GABRB2: variants seen among roughly 807,000 people sequenced by gnomAD.
GABRB2 encodes the protein gamma-aminobutyric acid receptor subunit beta-2.
Under a neutral mutation model 54.7 loss-of-function variants are expected in GABRB2, and 16 were observed. The ratio of observed to expected loss-of-function variants is 0.29; its 90% CI spans 0.20 to 0.44. The LOEUF is 0.44. Among genes scored for constraint, GABRB2 ranks in the 20% least tolerant of loss-of-function variants. The pLI is 1.00. For missense variants in GABRB2, 355 were observed against 644.0 expected, an observed-to-expected ratio of 0.55 and a Z score of 4.86; for synonymous variants, 244 against 233.8, an observed-to-expected ratio of 1.04 and a Z score of -0.40.
At chr5:161,537,736 A>G (rs1026934684) in intron 3 of GABRB2, among the ~76,000 whole-genome samples, 7 of 152,150 alleles carry the variant, frequency 4.6e-5, no homozygotes, top group Non-Finnish European at 1.0e-4. Context: ...AATTCTATTG[A>G]CACTATTTCA....
At chr5:161,537,130 T>G (rs1348342764) in intron 3 of GABRB2, among the ~76,000 whole-genome samples, 1 of 152,150 alleles carries the variant, frequency 6.6e-6, no homozygotes, top group Non-Finnish European at 1.5e-5. Flanking sequence ...TTATCTGGAG[T>G]ATCTTGTACT....
At chr5:161,321,270 C>T (rs1220529515) in intron 9 of GABRB2, among the ~76,000 whole-genome samples, 3 of 152,056 alleles carry the variant, frequency 2.0e-5, no homozygotes, top group Non-Finnish European at 4.4e-5. Context: ...TATAAATTAG[C>T]AAATGAACAT....
At chr5:161,441,170 G>A (rs1406855707) in intron 4 of GABRB2, among the ~76,000 whole-genome samples, 2 of 152,106 alleles carry the variant, frequency 1.3e-5, no homozygotes, top group South Asian at 4.1e-4. Flanking sequence ...ACAGAGTGAA[G>A]AGACAACCCG....
intron 5 of GABRB2, among the ~76,000 whole-genome samples, chr5:161,400,214 T>A (rs1001981755): frequency 6.6e-6 from 1 of 152,136 alleles, no homozygotes; most frequent in Non-Finnish European, 1.5e-5. Context: ...TGTGTGGGTG[T>A]ATTTACGCCT....
intron 3 of GABRB2, among the ~76,000 whole-genome samples, chr5:161,517,536 AT>A (rs1487017719): frequency 6.6e-6 from 1 of 152,132 alleles, no homozygotes; most frequent in East Asian, 1.9e-4. Context: ...ATGTATGTGC[AT>A]CCTCATTGTT....
chr5:161,373,296 T>C (rs955491392), intron 5 of GABRB2, among the ~76,000 whole-genome samples: 17 of 152,214 alleles, frequency 1.1e-4, no homozygotes, highest in African/African-American at 3.9e-4. Flanking sequence ...CCACTGATTC[T>C]GTGACTTGCA....
rs1372210277 is a variant in GABRB2, at chr5:161,520,880, C to G, written c.237+24347G>C. 2.0e-5 allele frequency among the ~76,000 whole-genome samples: 3 copies of G among 152,052 alleles called. No homozygotes were observed. In the South Asian group the frequency reaches 6.2e-4, roughly 32 times the overall value. ...CCTCATCACAGCTTGCCATATTAGA[C>G]CCTAATGATCAATACATCTTGCCAA... On this transcript the variant is annotated intron_variant, in intron 3 of 9. Transcript: ENST00000393959.
At chr5:161,354,277 C>CT (rs1754554979) in intron 5 of GABRB2, among the ~76,000 whole-genome samples, 1 of 152,050 alleles carries the variant, frequency 6.6e-6, no homozygotes, top group Non-Finnish European at 1.5e-5. Context: ...GAGTGAAACT[C>CT]TGCTCTAAAG....
chr5:161,526,012 C>A (rs1011567537), intron 3 of GABRB2, among the ~76,000 whole-genome samples: 14 of 151,214 alleles, frequency 9.3e-5, no homozygotes, highest in African/African-American at 3.4e-4. Flanking sequence ...AATTTCTGAG[C>A]TTTTGCCTTC....
upstream of GABRB2, among the ~76,000 whole-genome samples, chr5:161,547,335 G>T (rs1179581453): frequency 1.3e-5 from 2 of 150,016 alleles, no homozygotes; most frequent in Non-Finnish European, 3.0e-5. Flanking sequence ...TTGGGGAGGC[G>T]GGTACAGAAT....
At chr5:161,503,937 T>A (rs910156873) in intron 3 of GABRB2, among the ~76,000 whole-genome samples, 1 of 151,984 alleles carries the variant, frequency 6.6e-6, no homozygotes, top group African/African-American at 2.4e-5. Context: ...GACTTCTACA[T>A]AAGGAACATC....
intron 9 of GABRB2, among the ~76,000 whole-genome samples, chr5:161,298,666 G>T (rs1211207083): frequency 6.6e-6 from 1 of 152,132 alleles, no homozygotes. Context: ...TATTTATACA[G>T]GTCTCTTGCT....
At chr5:161,502,664 G>A (rs544871365) in intron 3 of GABRB2, among the ~76,000 whole-genome samples, 14 of 152,264 alleles carry the variant, frequency 9.2e-5, no homozygotes, top group Non-Finnish European at 1.6e-4. Flanking sequence ...TAAACACCAC[G>A]ACTTCCTGCC....
At chr5:161,470,720 T>A (rs1394020430) in intron 3 of GABRB2, among the ~76,000 whole-genome samples, 1 of 151,954 alleles carries the variant, frequency 6.6e-6, no homozygotes, top group East Asian at 1.9e-4. Context: ...AATTTACAGT[T>A]TATGAATTGT....
intron 7 of GABRB2, among the ~76,000 whole-genome samples, chr5:161,331,937 G>A (rs189668095): frequency 2.6e-4 from 39 of 151,936 alleles, no homozygotes; most frequent in Non-Finnish European, 4.3e-4. Flanking sequence ...AGGCCGAGGC[G>A]GGTGGATCAC....
At position 161,341,596 on chromosome 5, in the gene GABRB2, A is replaced by G. The variant is rs115548464; in HGVS notation, c.542-4827T>C. ...AAATATAAAAATCTATAAAATATAT[A>G]TCTATAAGATACGAATGGTAGATAC... is the stretch of plus-strand genomic sequence containing the variant. On this transcript the variant is annotated intron_variant, in intron 5 of 9. Transcript: ENST00000393959. Among the ~76,000 whole-genome samples the G allele has an allele frequency of 2.3e-3, 352 of 151,838 alleles. 2 individuals carry two copies. Among genetic ancestry groups the G allele is most frequent in the African/African-American group, 7.9e-3 (328 of 41,530 alleles).
chr5:161,510,465 A>G (rs1324634374), intron 3 of GABRB2, among the ~76,000 whole-genome samples: 1 of 151,946 alleles, frequency 6.6e-6, no homozygotes, highest in African/African-American at 2.4e-5. Flanking sequence ...ATAGTACTAC[A>G]TTGTGTACAT....
At chr5:161,455,576 G>A (rs1757929201) in intron 4 of GABRB2, among the ~76,000 whole-genome samples, 1 of 149,588 alleles carries the variant, frequency 6.7e-6, no homozygotes, top group African/African-American at 2.5e-5. Context: ...TGTCATCCAG[G>A]CTGTAGCGCA....
intron 3 of GABRB2, among the ~76,000 whole-genome samples, chr5:161,467,564 T>C (rs1758315274): frequency 6.6e-6 from 1 of 152,130 alleles, no homozygotes. Flanking sequence ...ACTATCATTC[T>C]GGGTAGAATG....
Sources: gnomAD v4.1 joint callset for allele counts (sites outside exome capture counted in the v4.1 genomes callset) on GRCh38, gnomAD v4.1.1 for gene constraint, MANE v1.5 for transcripts, NCBI Gene and HGNC (gene_info 2026-07-23, HGNC 2026-07-21) for gene names.